The following KCNQ5 variants were observed in gnomAD, a reference collection of about 807,000 sequenced individuals.
The protein encoded by KCNQ5 is potassium voltage-gated channel subfamily Q member 5.
KCNQ5 carries 30 observed loss-of-function variants against 98.2 expected under a neutral mutation model. The ratio of observed to expected loss-of-function variants is 0.31; its 90% CI spans 0.23 to 0.41. The LOEUF (loss-of-function observed/expected upper bound fraction) is 0.41. Ranked by LOEUF, KCNQ5 falls within the 10% of genes least tolerant of loss-of-function variation. The pLI is 1.00. For synonymous variants in KCNQ5, 458 were observed against 449.4 expected (o/e 1.02, Z -0.24); for missense variants, 835 against 1,182.5 (o/e 0.71, Z 4.31).
chr6:73,151,202 T>C (rs1187870036), intron 10 of KCNQ5, among the ~76,000 whole-genome samples: 4 of 152,182 alleles, frequency 2.6e-5, no homozygotes, highest in Admixed American at 2.6e-4. Context: ...TGTTACAGAA[T>C]ATAATGATTT....
intron 1 of KCNQ5, among the ~76,000 whole-genome samples, chr6:72,705,590 G>GTTTTTTTTTTTTTTTTTTTTTTT (rs758036031): frequency 1.1e-5 from 1 of 93,108 alleles, no homozygotes; most frequent in African/African-American, 7.9e-5. Flanking sequence ...TGTTGTTTTT[G>GTTTTTTTTTTTTTTTTTTTTTTT]TTTTTTTTTT....
At chr6:73,171,752 T>G (rs904871286) in intron 11 of KCNQ5, among the ~76,000 whole-genome samples, 2 of 152,190 alleles carry the variant, frequency 1.3e-5, no homozygotes, top group African/African-American at 4.8e-5. Context: ...TTTCACATGT[T>G]GAGTATATCC....
At chr6:72,633,690 C>T (rs2098922367) in intron 1 of KCNQ5, among the ~76,000 whole-genome samples, 1 of 152,102 alleles carries the variant, frequency 6.6e-6, no homozygotes, top group South Asian at 2.1e-4. Flanking sequence ...AAAACAGACA[C>T]ATAGATCAAT....
chr6:72,713,401 A>C (rs567285939), intron 1 of KCNQ5, among the ~76,000 whole-genome samples: 2 of 152,084 alleles, frequency 1.3e-5, no homozygotes, highest in Non-Finnish European at 2.9e-5. Context: ...GAGTTACAAA[A>C]ATTTTCTACC....
chr6:72,988,328 A>G (rs1211203506), intron 1 of KCNQ5, among the ~76,000 whole-genome samples: 1 of 152,244 alleles, frequency 6.6e-6, no homozygotes, highest in African/African-American at 2.4e-5. Context: ...ACAAACAAAC[A>G]AAAGAATGAA....
chr6:73,047,981 C>T (rs1054539552), intron 3 of KCNQ5, among the ~76,000 whole-genome samples: 4 of 152,170 alleles, frequency 2.6e-5, no homozygotes, highest in African/African-American at 9.7e-5. Context: ...TTGAGTCATC[C>T]ACTGAACATT....
At chr6:73,085,803 G>A (rs1042454273) in intron 5 of KCNQ5, among the ~76,000 whole-genome samples, 3 of 152,162 alleles carry the variant, frequency 2.0e-5, no homozygotes, top group African/African-American at 7.2e-5. Flanking sequence ...CAGAGTTAGA[G>A]TCAGTGGTTT....
chr6:73,133,366 A>G (rs113976565), intron 9 of KCNQ5, 55 bp from the exon 10 acceptor site: 2 of 1,522,032 alleles, frequency 1.3e-6, no homozygotes, highest in African/African-American at 1.4e-5. Context: ...TACTTACCCA[A>G]GCAAAGTGGA....
At chr6:72,882,993 T>C (rs575635131) in intron 1 of KCNQ5, among the ~76,000 whole-genome samples, 7 of 152,196 alleles carry the variant, frequency 4.6e-5, no homozygotes, top group Non-Finnish European at 7.3e-5. Context: ...TTAATGTGAC[T>C]AACAAGTTAT....
chr6:73,145,714 G>C (rs1275235174), intron 10 of KCNQ5, among the ~76,000 whole-genome samples: 1 of 152,198 alleles, frequency 6.6e-6, no homozygotes, highest in African/African-American at 2.4e-5. Flanking sequence ...AGAGTTGAAA[G>C]TTGGGGAAAA....
chr6:72,980,140 G>T (rs916753226), intron 1 of KCNQ5, among the ~76,000 whole-genome samples: 35 of 152,036 alleles, frequency 2.3e-4, no homozygotes, highest in African/African-American at 8.2e-4. Flanking sequence ...TTTTGCTTAG[G>T]ATTGACTTGG....
chr6:72,896,780 C>T lies in KCNQ5; in HGVS notation c.399-107128C>T, dbSNP rs186054138. 2.8e-3 allele frequency among the ~76,000 whole-genome samples: 427 copies of T among 152,238 alleles called. 2 individuals carry two copies. Among genetic ancestry groups the T allele is most frequent in the African/African-American group, 0.01 (417 of 41,548 alleles). ...CCGCTCCTAGAATTGGTAGGACTCC[C>T]TGCCACCCTGTAGTCACTGGTACCT... On this transcript the variant is annotated intron_variant, in intron 1 of 13. Coordinates refer to ENST00000370398, the MANE Select transcript of KCNQ5 (RefSeq NM_019842.4).
At chr6:72,668,710 T>C (rs1389285977) in intron 1 of KCNQ5, among the ~76,000 whole-genome samples, 1 of 143,050 alleles carries the variant, frequency 7.0e-6, no homozygotes, top group Non-Finnish European at 1.5e-5. Flanking sequence ...GCTGATGTGG[T>C]TACTGGGGAG....
At chr6:73,173,243 T>C (rs1778077756) in intron 11 of KCNQ5, among the ~76,000 whole-genome samples, 1 of 152,236 alleles carries the variant, frequency 6.6e-6, no homozygotes, top group Non-Finnish European at 1.5e-5. Context: ...GTTTTCAAAC[T>C]CACCTTTAGG....
intron 1 of KCNQ5, among the ~76,000 whole-genome samples, chr6:72,893,781 A>C (rs1779146533): frequency 6.6e-6 from 1 of 152,042 alleles, no homozygotes; most frequent in Admixed American, 6.6e-5. Flanking sequence ...TTAAGCATCT[A>C]CTCTATGCCA....
At chr6:72,654,152 A>G (rs893865534) in intron 1 of KCNQ5, among the ~76,000 whole-genome samples, 2 of 152,002 alleles carry the variant, frequency 1.3e-5, no homozygotes, top group Non-Finnish European at 1.5e-5. Flanking sequence ...GAGAAATGAC[A>G]TCATTGTGTT....
chr6:72,976,635 G>A (rs1219575820), intron 1 of KCNQ5, among the ~76,000 whole-genome samples: 3 of 152,152 alleles, frequency 2.0e-5, no homozygotes, highest in Non-Finnish European at 4.4e-5. Flanking sequence ...CATTAGCATG[G>A]TAGCCAGGTC....
chr6:72,962,976 T>A (rs996362865), intron 1 of KCNQ5, among the ~76,000 whole-genome samples: 3 of 152,232 alleles, frequency 2.0e-5, no homozygotes, highest in Admixed American at 6.5e-5. Flanking sequence ...TATCTCATAC[T>A]TCTCAGAGGA....
intron 1 of KCNQ5, among the ~76,000 whole-genome samples, chr6:72,734,929 CACTTCA>C (rs1719263183): frequency 6.6e-6 from 1 of 152,158 alleles, no homozygotes; most frequent in Admixed American, 6.5e-5. Flanking sequence ...TTTTCAATTT[CACTTCA>C]ACTTCATGAT....
Sources: allele counts gnomAD v4.1 joint callset (sites outside exome capture counted in the v4.1 genomes callset), GRCh38; gene constraint gnomAD v4.1.1; transcripts MANE v1.5; gene names NCBI Gene and HGNC (gene_info 2026-07-23, HGNC 2026-07-21).